SFMBT2: variants seen among roughly 807,000 people sequenced by gnomAD.
SFMBT2 encodes Scm like with four mbt domains 2.
In SFMBT2, 38 loss-of-function variants were observed where a neutral mutation model predicts 110.1. That is an observed-to-expected ratio of 0.35 (90% confidence interval 0.27 to 0.45). The LOEUF is 0.45. SFMBT2 is among the 20% of genes least tolerant of loss of function. The pLI is 1.00. For synonymous variants in SFMBT2, 425 were observed against 425.4 expected, an observed-to-expected ratio of 1.00 and a Z score of 0.01; for missense variants, 1,011 against 1,094.9, an observed-to-expected ratio of 0.92 and a Z score of 1.08.
At chr10:7,340,190 C>T (rs949570526) in intron 4 of SFMBT2, among the ~76,000 whole-genome samples, 3 of 152,098 alleles carry the variant, frequency 2.0e-5, no homozygotes, top group Non-Finnish European at 2.9e-5. Context: ...AAAAGACATG[C>T]TATTCAGAAA....
chr10:7,396,570 T>G (rs1588509582), intron 1 of SFMBT2, among the ~76,000 whole-genome samples: 1 of 152,264 alleles, frequency 6.6e-6, no homozygotes, highest in South Asian at 2.1e-4. Flanking sequence ...AGTTCCAACT[T>G]CAGATTTCCA....
chr10:7,254,146 G>A (rs1489471661), intron 7 of SFMBT2, among the ~76,000 whole-genome samples: 3 of 152,200 alleles, frequency 2.0e-5, no homozygotes, highest in Non-Finnish European at 4.4e-5. Context: ...TTTATGCTAC[G>A]TGGCTCACCC....
At chr10:7,321,879 A>G (rs1428768418) in intron 4 of SFMBT2, among the ~76,000 whole-genome samples, 1 of 152,232 alleles carries the variant, frequency 6.6e-6, no homozygotes, top group Non-Finnish European at 1.5e-5. Context: ...TGAAATCATA[A>G]TAATTTCAAT....
At chr10:7,173,466 A>G (rs573808456) in intron 17 of SFMBT2, among the ~76,000 whole-genome samples, 1 of 152,284 alleles carries the variant, frequency 6.6e-6, no homozygotes, top group East Asian at 1.9e-4. Context: ...TTCACCAAGC[A>G]CTTTTCCTCT....
At chr10:7,206,516 G>C in intron 11 of SFMBT2, 1 of 985,372 alleles carries the variant, frequency 1.0e-6, no homozygotes, top group Non-Finnish European at 1.2e-6. Context: ...TATCAGTTTG[G>C]AGTTACTTTG....
chr10:7,210,127 G>A (rs1373191274), intron 11 of SFMBT2, among the ~76,000 whole-genome samples: 4 of 152,082 alleles, frequency 2.6e-5, no homozygotes, highest in South Asian at 2.1e-4. Context: ...CCTTGTCCCC[G>A]GTTCAGCAGG....
At position 7,269,707 on chromosome 10, in the gene SFMBT2, AGTGTGTGCGTGT is replaced by A. The variant is rs60142641; in HGVS notation, c.870+7173_870+7184del. Among the ~76,000 whole-genome samples the A allele has an allele frequency of 4.4e-3, 646 of 146,428 alleles. 3 individuals carry two copies. Among genetic ancestry groups the A allele is most frequent in the African/African-American group, 0.014 (543 of 39,384 alleles). On this transcript the variant is annotated intron_variant, in intron 7 of 20. Coordinates refer to ENST00000397167, the MANE Select transcript of SFMBT2 (RefSeq NM_001387889.1). ...TGATAACAGAGAAAAAAAGCAAGTA[AGTGTGTGCGTGT>A]GTGTGTGTGTGTGTGTGTGTGTGTG...
intron 13 of SFMBT2, among the ~76,000 whole-genome samples, chr10:7,201,554 C>T (rs1838958543): frequency 6.6e-6 from 1 of 152,296 alleles, no homozygotes; most frequent in East Asian, 1.9e-4. Flanking sequence ...AGCTGCTCTT[C>T]TCATTCAAAT....
At chr10:7,316,782 C>G (rs1228062995) in intron 4 of SFMBT2, among the ~76,000 whole-genome samples, 3 of 152,130 alleles carry the variant, frequency 2.0e-5, no homozygotes, top group Non-Finnish European at 4.4e-5. Flanking sequence ...GGATCAACTC[C>G]TCTGAAAAAG....
At chr10:7,221,048 G>C (rs1425910962) in intron 10 of SFMBT2, among the ~76,000 whole-genome samples, 2 of 151,402 alleles carry the variant, frequency 1.3e-5, no homozygotes, top group South Asian at 4.2e-4. Flanking sequence ...GGATGGTCTC[G>C]ATCTCCTGGC....
At chr10:7,193,520 C>T (rs1220145939) in intron 15 of SFMBT2, among the ~76,000 whole-genome samples, 5 of 152,194 alleles carry the variant, frequency 3.3e-5, no homozygotes, top group Admixed American at 2.6e-4. Flanking sequence ...TACCCAGGTG[C>T]GTGTTTTCAG....
At chr10:7,358,278 C>G (rs1045335813) in intron 4 of SFMBT2, among the ~76,000 whole-genome samples, 1 of 151,882 alleles carries the variant, frequency 6.6e-6, no homozygotes, top group African/African-American at 2.4e-5. Flanking sequence ...GTGACATCAA[C>G]ATGGCCCTAG....
At chr10:7,205,297 G>T in intron 12 of SFMBT2, 2 of 515,278 alleles carry the variant, frequency 3.9e-6, no homozygotes, top group Non-Finnish European at 5.0e-6. Context: ...TCACTATGTT[G>T]CCCAGGCTGG....
intron 11 of SFMBT2, among the ~76,000 whole-genome samples, chr10:7,207,739 C>T (rs1166107969): frequency 1.3e-5 from 2 of 152,232 alleles, no homozygotes; most frequent in Non-Finnish European, 2.9e-5. Flanking sequence ...TCTGACTTTT[C>T]ATCGTCAAGT....
rs202159591 is a variant in SFMBT2, at chr10:7,172,536, G to A, written c.2110C>T (p.Arg704Trp). The A allele has an allele frequency of 5.3e-5, 85 of 1,614,184 alleles. No individual in the cohort carries two copies. The highest frequency in any genetic ancestry group is 6.2e-5 in the Non-Finnish European group (73 of 1,180,032). ...RRKSIFVQKK[R>W]RSSAVDFTAG... Reference sequence around the variant, plus strand: ...GTGAAGTCCACGGCAGAAGACCTCCGTTTCTTCTGCACGAAAATGGATTTC... The same window carrying A: ...GTGAAGTCCACGGCAGAAGACCTCCATTTCTTCTGCACGAAAATGGATTTC... Residue 704 changes from arginine (R) to tryptophan (W), a missense_variant, in exon 18 of 21, where the codon CGG (arginine) becomes TGG (tryptophan). This residue lies in a region of SFMBT2 where 979 missense variants were observed against 1,016.1 expected (regional missense o/e 0.96). Transcript: ENST00000397167. This position sits in a 1 kb window ranked among gnomAD's most constrained non-coding sequence, Gnocchi z 4.6.
chr10:7,215,736 A>T (rs1463941873), intron 11 of SFMBT2: 5 of 985,428 alleles, frequency 5.1e-6, no homozygotes, highest in Non-Finnish European at 3.6e-6. Context: ...ACTCAACTTC[A>T]TAGACATCAG....
rs551484008 is a variant in SFMBT2, at chr10:7,360,338, G to T, written c.436+7311C>A. On this transcript the variant is annotated intron_variant, in intron 4 of 20. Transcript: ENST00000397167. ...CAAAATTAGCTAGGCATGGTGGTGC[G>T]TGCCTGTAGTTCCAGCTACTCATGA... Among the ~76,000 whole-genome samples the T allele has an allele frequency of 1.6e-3, 244 of 152,214 alleles. 3 individuals are homozygous for T. Among genetic ancestry groups the T allele is most frequent in the African/African-American group, 5.5e-3 (227 of 41,540 alleles).
intron 8 of SFMBT2, among the ~76,000 whole-genome samples, chr10:7,246,754 C>T (rs111516354): frequency 0.036 from 5,093 of 143,122 alleles, 153 homozygotes; most frequent in African/African-American, 0.072. Flanking sequence ...TGGTGAGAGA[C>T]GCTACCGCTG....
chr10:7,176,421 T>G (rs1232082974), intron 16 of SFMBT2: 1 of 944,266 alleles, frequency 1.1e-6, no homozygotes, highest in East Asian at 1.2e-4. Context: ...ACACCTTCAT[T>G]TTGCTATATA....
Sources: gnomAD v4.1 joint callset for allele counts (sites outside exome capture counted in the v4.1 genomes callset) on GRCh38, gnomAD v4.1.1 for gene constraint, gnomAD v4.1.1 regional missense constraint, Gnocchi (gnomAD v3.1) non-coding constraint, MANE v1.5 for transcripts, NCBI Gene and HGNC (gene_info 2026-07-23, HGNC 2026-07-21) for gene names.